The following PPM1L variants were observed in gnomAD, a reference collection of about 807,000 sequenced individuals.
PPM1L encodes protein phosphatase, Mg2+/Mn2+ dependent 1L, also known as protein phosphatase 1L.
In PPM1L, 13 loss-of-function variants were observed where a neutral mutation model predicts 31.4. That is an observed-to-expected ratio of 0.41 (90% CI 0.27 to 0.66). The LOEUF is 0.66. Among genes scored for constraint, PPM1L ranks in the 30% least tolerant of loss-of-function variants. The probability of loss-of-function intolerance (pLI) is 0.29; values close to 1 mark genes in which losing one functional copy is unlikely to be tolerated. For synonymous variants in PPM1L, 184 were observed against 175.4 expected, an observed-to-expected ratio of 1.05 and a Z score of -0.39; for missense variants, 326 against 453.7, an observed-to-expected ratio of 0.72 and a Z score of 2.56.
chr3:161,055,252 C>A (rs1017979281), intron 2 of PPM1L, among the ~76,000 whole-genome samples: 3 of 152,136 alleles, frequency 2.0e-5, no homozygotes, highest in Non-Finnish European at 4.4e-5. Context: ...CTCGTAAAAA[C>A]CTCTAGGCAG....
chr3:160,994,312 C>T (rs770081571), intron 2 of PPM1L, among the ~76,000 whole-genome samples: 1 of 152,082 alleles, frequency 6.6e-6, no homozygotes, highest in African/African-American at 2.4e-5. Flanking sequence ...GCAGCCTTGG[C>T]AGGATATCTG....
intron 1 of PPM1L, among the ~76,000 whole-genome samples, chr3:160,948,021 C>T (rs1715463326): frequency 6.6e-6 from 1 of 152,098 alleles, no homozygotes; most frequent in Admixed American, 6.6e-5. Context: ...TTTATAGAAG[C>T]AGTAATGTTA....
chr3:161,056,828 G>A (rs997184119), intron 2 of PPM1L, among the ~76,000 whole-genome samples: 1 of 152,068 alleles, frequency 6.6e-6, no homozygotes, highest in Non-Finnish European at 1.5e-5. Context: ...TTGGGAGGCC[G>A]AGGTGGGTAG....
intron 1 of PPM1L, among the ~76,000 whole-genome samples, chr3:160,841,336 AT>A (rs561823872): frequency 0.046 from 6,702 of 144,510 alleles, 176 homozygotes; most frequent in Middle Eastern, 0.074. Flanking sequence ...CTTTACAGGG[AT>A]TTTTTTTTTT....
chr3:160,987,592 A>T (rs534731783), intron 2 of PPM1L, among the ~76,000 whole-genome samples: 2 of 152,306 alleles, frequency 1.3e-5, no homozygotes, highest in South Asian at 4.1e-4. Flanking sequence ...ATTACTTCTT[A>T]CTTCTCCAAG....
intron 2 of PPM1L, among the ~76,000 whole-genome samples, chr3:161,060,769 A>G (rs2108106338): frequency 6.8e-6 from 1 of 147,170 alleles, no homozygotes; most frequent in East Asian, 2.0e-4. Flanking sequence ...AACCCATGAG[A>G]TAAGGTTATT....
At chr3:160,964,365 G>A (rs1026838156) in intron 2 of PPM1L, among the ~76,000 whole-genome samples, 1 of 151,690 alleles carries the variant, frequency 6.6e-6, no homozygotes, top group Non-Finnish European at 1.5e-5. Flanking sequence ...CTAAGCTAGA[G>A]AAAAAAATTT....
intron 2 of PPM1L, among the ~76,000 whole-genome samples, chr3:161,044,630 A>G (rs139751796): frequency 0.013 from 1,913 of 152,112 alleles, 40 homozygotes; most frequent in African/African-American, 0.045. Flanking sequence ...AGCACTACAC[A>G]TGGAAAGGAA....
chr3:160,883,881 CAA>C (rs36011243), intron 1 of PPM1L, among the ~76,000 whole-genome samples: 3 of 106,376 alleles, frequency 2.8e-5, no homozygotes, highest in Admixed American at 2.1e-4. Flanking sequence ...CTTGTCTCTA[CAA>C]AAAAAAAAAA....
chr3:160,839,099 AC>A (rs1410039717), intron 1 of PPM1L, among the ~76,000 whole-genome samples: 1 of 152,178 alleles, frequency 6.6e-6, no homozygotes, highest in Admixed American at 6.5e-5. Context: ...GAAGGCCCTC[AC>A]CAGATGCTGG....
chr3:160,775,764 C>T (rs1711544477), intron 1 of PPM1L, among the ~76,000 whole-genome samples: 1 of 152,194 alleles, frequency 6.6e-6, no homozygotes, highest in Non-Finnish European at 1.5e-5. Flanking sequence ...AGTTTTCAAA[C>T]GTAAGTGCAA....
chr3:160,826,580 A>G (rs574428222), intron 1 of PPM1L, among the ~76,000 whole-genome samples: 33 of 152,236 alleles, frequency 2.2e-4, no homozygotes, highest in Middle Eastern at 6.8e-3. Context: ...GATTTATTCT[A>G]TTATTTTGTC....
intron 1 of PPM1L, among the ~76,000 whole-genome samples, chr3:160,762,137 CA>C (rs1350715182): frequency 2.0e-5 from 3 of 152,168 alleles, no homozygotes; most frequent in Non-Finnish European, 2.9e-5. Context: ...ATGACTGGCA[CA>C]GTGAATGATC....
chr3:160,862,664 A>G (rs79216265), intron 1 of PPM1L, among the ~76,000 whole-genome samples: 5,309 of 83,254 alleles, frequency 0.064, 254 homozygotes, highest in African/African-American at 0.17. Context: ...AGGCACACGC[A>G]CACACACACA....
chr3:160,773,842 C>G (rs938366317), intron 1 of PPM1L, among the ~76,000 whole-genome samples: 1 of 152,082 alleles, frequency 6.6e-6, no homozygotes, highest in African/African-American at 2.4e-5. Flanking sequence ...CACCTCTCTT[C>G]CAGAGACTCA....
At chr3:160,945,697 T>G (rs930688865) in intron 1 of PPM1L, among the ~76,000 whole-genome samples, 3 of 152,138 alleles carry the variant, frequency 2.0e-5, no homozygotes, top group African/African-American at 7.2e-5. Context: ...GGGTTTGAAC[T>G]GCACAGGTCC....
At chr3:160,795,227 G>A (rs1414890776) in intron 1 of PPM1L, among the ~76,000 whole-genome samples, 1 of 152,100 alleles carries the variant, frequency 6.6e-6, no homozygotes, top group Non-Finnish European at 1.5e-5. Context: ...ATTTTTCAAA[G>A]TTTGTCATTT....
intron 2 of PPM1L, among the ~76,000 whole-genome samples, chr3:160,979,922 C>T (rs1266484636): frequency 6.6e-6 from 1 of 151,998 alleles, no homozygotes; most frequent in Non-Finnish European, 1.5e-5. Context: ...CAAGACCAGA[C>T]ATCATGGAAC....
At chr3:160,910,911 T>C (rs1261387952) in intron 1 of PPM1L, among the ~76,000 whole-genome samples, 1 of 152,216 alleles carries the variant, frequency 6.6e-6, no homozygotes, top group Non-Finnish European at 1.5e-5. Context: ...AGATATTTCT[T>C]GAACTCGGGG....
Sources: gnomAD v4.1 joint callset for allele counts (sites outside exome capture counted in the v4.1 genomes callset) on GRCh38, gnomAD v4.1.1 for gene constraint, MANE v1.5 for transcripts, NCBI Gene and HGNC (gene_info 2026-07-23, HGNC 2026-07-21) for gene names.